Variants in TECPR2 observed in about 807,000 individuals in gnomAD.
TECPR2 encodes the protein tectonin beta-propeller repeat-containing protein 2.
TECPR2 carries 65 observed loss-of-function variants against 138.1 expected under a neutral mutation model. The ratio of observed to expected loss-of-function variants is 0.47; its 90% CI spans 0.39 to 0.58. The LOEUF is 0.58. TECPR2 is among the 20% of genes least tolerant of loss of function. The pLI is 0.00. For missense variants in TECPR2, 1,553 were observed against 1,824.5 expected (o/e 0.85, Z 2.71); for synonymous variants, 746 against 749.8 (o/e 0.99, Z 0.08).
chr14:102,494,812 G>A (rs1403651984), intron 17 of TECPR2, among the ~76,000 whole-genome samples: 30 of 131,066 alleles, frequency 2.3e-4, no homozygotes, highest in Admixed American at 4.1e-4. Flanking sequence ...TAACAAGAGC[G>A]AAACTCCGTC....
chr14:102,429,775 G>C (rs1407333281), intron 7 of TECPR2, among the ~76,000 whole-genome samples: 3 of 152,154 alleles, frequency 2.0e-5, no homozygotes, highest in Non-Finnish European at 4.4e-5. Flanking sequence ...ATGGCTTTCA[G>C]GAAGGGTGGT....
intron 9 of TECPR2, among the ~76,000 whole-genome samples, chr14:102,436,098 G>A (rs978709969): frequency 1.1e-4 from 17 of 152,060 alleles, no homozygotes; most frequent in African/African-American, 2.7e-4. Flanking sequence ...CTCTAAACAC[G>A]AACTATAAAA....
chr14:102,452,985 A>G (rs1890186724), intron 16 of TECPR2, among the ~76,000 whole-genome samples: 1 of 152,232 alleles, frequency 6.6e-6, no homozygotes, highest in Non-Finnish European at 1.5e-5. Flanking sequence ...AAAGCTGAAA[A>G]GATGGGTGTT....
Position 102,497,190 on chromosome 14 carries a change from C to A in TECPR2, c.3931+70C>A. 13 of 1,558,758 alleles carry A rather than the reference C, an allele frequency of 8.3e-6. No homozygotes were observed. The South Asian group carries it at 1.5e-4, about 18-fold the overall frequency. Reference sequence around the variant, plus strand: ...TACCATCACTGGGGGCTGCTGGGCGCTCCCTCCAGGCCGCTGTCTGTGAGG... The same window carrying A: ...TACCATCACTGGGGGCTGCTGGGCGATCCCTCCAGGCCGCTGTCTGTGAGG... On this transcript the variant is annotated intron_variant, in intron 18 of 19. Coordinates refer to ENST00000359520, the MANE Select transcript of TECPR2 (RefSeq NM_014844.5).
chr14:102,411,216 C>A (rs1173785222), intron 4 of TECPR2, among the ~76,000 whole-genome samples: 2 of 152,280 alleles, frequency 1.3e-5, no homozygotes, highest in African/African-American at 4.8e-5. Flanking sequence ...TACCACCCCC[C>A]AAAAATTTTT....
chr14:102,450,591 G>A lies in TECPR2; in HGVS notation c.3348G>A (p.Gly1116=), dbSNP rs1890113154. ...GTYWNHVVPR[G]TASATKWAFV... ...ACTGGAATCATGTGGTTCCCCGTGG[G>A]ACAGCTTCTGCTACAAAATGGGCCT... Residue 1116 remains glycine (G), a synonymous_variant, in exon 15 of 20, where the codon GGG becomes GGA. Transcript: ENST00000359520. 2 of 1,614,154 alleles carry A rather than the reference G, an allele frequency of 1.2e-6. No homozygotes were observed. The highest frequency in any genetic ancestry group is 1.7e-6 in the Non-Finnish European group (2 of 1,180,016).
Position 102,425,179 on chromosome 14 carries a change from G to C in TECPR2, c.839G>C (p.Gly280Ala). ...CCGCGTCTGGAATCCCCCAACAGTG[G>C]AAGTTGCAGCTTACCTGAGAGGCAC... is the stretch of plus-strand genomic sequence containing the variant. ...LHPRLESPNS[G>A]SCSLPERHLG... The change falls in exon 6 of 20, where the codon GGA (glycine) becomes GCA (alanine). Residue 280 changes from glycine (G) to alanine (A), a missense_variant. Coordinates refer to ENST00000359520, the MANE Select transcript of TECPR2 (RefSeq NM_014844.5). 2 of 1,614,174 alleles carry C rather than the reference G, an allele frequency of 1.2e-6. No homozygotes were observed. The highest frequency in any genetic ancestry group is 1.7e-6 in the Non-Finnish European group (2 of 1,180,040).
chr14:102,398,292 T>C (rs561719858), intron 2 of TECPR2, among the ~76,000 whole-genome samples: 2 of 151,952 alleles, frequency 1.3e-5, no homozygotes, highest in Non-Finnish European at 2.9e-5. Context: ...AGATAAGATA[T>C]TAAAATTATC....
At position 102,459,895 on chromosome 14, in the gene TECPR2, C is replaced by T. The variant is rs558843612; in HGVS notation, c.3641-5246C>T. On this transcript the variant is annotated intron_variant, in intron 16 of 19. Coordinates refer to ENST00000359520, the MANE Select transcript of TECPR2 (RefSeq NM_014844.5). ...TTGGACAGCATGACCTCTGCTCCCT[C>T]GGGGACAGTGTTGACCTTGGGCAGC... is the stretch of plus-strand genomic sequence containing the variant. Among the ~76,000 whole-genome samples, 20 of 152,306 alleles carry T rather than the reference C, an allele frequency of 1.3e-4. 1 individual carries two copies. The East Asian group carries it at 2.3e-3, about 18-fold the overall frequency.
chr14:102,471,796 C>T (rs1890656814), intron 17 of TECPR2, among the ~76,000 whole-genome samples: 1 of 152,120 alleles, frequency 6.6e-6, no homozygotes. Flanking sequence ...TTGCTCTTTT[C>T]AAAACACCTC....
intron 15 of TECPR2, 108 bp from the exon 16 acceptor site, chr14:102,452,286 T>C: frequency 9.2e-7 from 1 of 1,085,376 alleles, no homozygotes; most frequent in South Asian, 1.5e-5. Context: ...CTGGCATCTG[T>C]GGCCAGGTGG....
At chr14:102,460,920 C>G (rs574146430) in intron 16 of TECPR2, among the ~76,000 whole-genome samples, 107 of 152,134 alleles carry the variant, frequency 7.0e-4, no homozygotes, top group African/African-American at 2.5e-3. Context: ...TGGTCTCGAT[C>G]TCCTGATCTT....
intron 4 of TECPR2, among the ~76,000 whole-genome samples, chr14:102,410,363 C>T (rs1888795525): frequency 7.1e-6 from 1 of 140,864 alleles, no homozygotes; most frequent in South Asian, 2.2e-4. Flanking sequence ...AACCAGAGAC[C>T]TTTGTTCACT....
chr14:102,434,684 G>A lies in TECPR2; in HGVS notation c.1867G>A (p.Gly623Arg). 1 of 1,613,028 alleles carries A rather than the reference G, an allele frequency of 6.2e-7. No individual in the cohort carries two copies. Among genetic ancestry groups the A allele is most frequent in the East Asian group, 2.2e-5 (1 of 44,862 alleles). The change falls in exon 9 of 20, where the codon GGG becomes AGG. Residue 623 changes from glycine (G) to arginine (R), a missense_variant. By Grantham distance (125) the Gly-to-Arg change is moderately radical. Transcript: ENST00000359520. ...CTTCCAAGAACAGGACAGCTCTCCT[G>A]GGGCGCATGATGGGGAAGACATCCA... ...LPFQEQDSSP[G>R]AHDGEDIQPI...
At chr14:102,383,981 C>T (rs995119739) in intron 2 of TECPR2, among the ~76,000 whole-genome samples, 2 of 147,976 alleles carry the variant, frequency 1.4e-5, no homozygotes, top group Non-Finnish European at 3.0e-5. Context: ...AGTGCAGTGG[C>T]GCAACCTCGG....
At chr14:102,498,046 T>TGCCCAAGCTCCCAGCTCCATCTGG in intron 19 of TECPR2, 57 bp from the exon 20 acceptor site, 1 of 1,582,502 alleles carries the variant, frequency 6.3e-7, no homozygotes, top group Non-Finnish European at 8.6e-7. Flanking sequence ...GCTCCATCTG[T>TGCCCAAGCTCCCAGCTCCATCTGG]GCCCACCCCA....
chr14:102,499,450 A>C lies in TECPR2; in HGVS notation c.*1193A>C, dbSNP rs912552748. 16 of 555,924 alleles carry C rather than the reference A, an allele frequency of 2.9e-5. No homozygotes were observed. Among genetic ancestry groups the C allele is most frequent in the African/African-American group, 1.9e-4 (10 of 52,866 alleles). The allele number at this position is 555,924 out of a possible 1,614,324, so 34.4% of individuals were successfully genotyped here. A position where few individuals can be genotyped will look rare whatever the true frequency, so the allele number is the denominator to read the frequency against. On this transcript the variant is annotated 3_prime_UTR_variant, in exon 20 of 20. Transcript: ENST00000359520. ...CTTCCCGGGTTTGTCCTGAGCCTGCACTGTCCTCGCCTGCAGCCTCAGAGG... is the reference window on the plus strand; with the variant it reads ...CTTCCCGGGTTTGTCCTGAGCCTGCCCTGTCCTCGCCTGCAGCCTCAGAGG...
At chr14:102,369,648 A>C (rs1055584273) in intron 1 of TECPR2, among the ~76,000 whole-genome samples, 3 of 151,952 alleles carry the variant, frequency 2.0e-5, no homozygotes, top group Non-Finnish European at 2.9e-5. Flanking sequence ...CTGATGTCAA[A>C]CCCCTGGGCT....
intron 18 of TECPR2, 146 bp downstream of exon 18, chr14:102,497,266 A>T: frequency 7.4e-7 from 1 of 1,356,542 alleles, no homozygotes; most frequent in East Asian, 2.5e-5. Context: ...GGGCCAGGGG[A>T]CAAGCCTCCC....
Sources: allele counts gnomAD v4.1 joint callset (sites outside exome capture counted in the v4.1 genomes callset), GRCh38; gene constraint gnomAD v4.1.1; transcripts MANE v1.5; gene names NCBI Gene and HGNC (gene_info 2026-07-23, HGNC 2026-07-21).